Variants in SPAG16 observed in about 807,000 individuals in gnomAD.
SPAG16 encodes the protein sperm associated antigen 16.
SPAG16 carries 86 observed loss-of-function variants against 80.4 expected under a neutral mutation model. That is an observed-to-expected ratio of 1.07 (90% confidence interval 0.90 to 1.28). The LOEUF (loss-of-function observed/expected upper bound fraction) is 1.28, where lower values mean the gene tolerates loss of function less well. SPAG16 is among the 50% of genes most tolerant of loss of function. The pLI, the probability that SPAG16 is intolerant of heterozygous loss-of-function variation, is 0.00. For synonymous variants in SPAG16, 294 were observed against 265.9 expected (o/e 1.11, Z -1.03); for missense variants, 870 against 765.3 (o/e 1.14, Z -1.61).
At chr2:213,347,336 G>A (rs1334836071) in intron 6 of SPAG16, among the ~76,000 whole-genome samples, 4 of 152,048 alleles carry the variant, frequency 2.6e-5, no homozygotes, top group Non-Finnish European at 4.4e-5. Context: ...CAAAAAATCA[G>A]CTCCTGGATT....
chr2:213,555,032 C>T (rs1025256020), intron 10 of SPAG16, among the ~76,000 whole-genome samples: 3 of 151,908 alleles, frequency 2.0e-5, no homozygotes, highest in African/African-American at 7.3e-5. Context: ...AAAAAGACTA[C>T]ACCAAGACAT....
chr2:214,391,306 T>A (rs1304963532), intron 15 of SPAG16, among the ~76,000 whole-genome samples: 1 of 152,138 alleles, frequency 6.6e-6, no homozygotes, highest in East Asian at 1.9e-4. Context: ...AAAATGAAGG[T>A]CAAAGAAGGA....
At chr2:213,364,021 C>G (rs967360598) in intron 7 of SPAG16, 55 bp from the exon 8 acceptor site, 6 of 787,524 alleles carry the variant, frequency 7.6e-6, no homozygotes, top group Non-Finnish European at 1.9e-6. Context: ...TTTTATGTAA[C>G]CTTTTTAAAA....
intron 7 of SPAG16, among the ~76,000 whole-genome samples, chr2:213,355,616 C>T (rs552635724): frequency 1.7e-4 from 26 of 152,176 alleles, no homozygotes; most frequent in Admixed American, 4.6e-4. Context: ...ATTTTATTCT[C>T]TTTGAAGCAA....
chr2:213,890,028 A>G (rs544384550), intron 11 of SPAG16, among the ~76,000 whole-genome samples: 13 of 152,106 alleles, frequency 8.5e-5, no homozygotes, highest in Non-Finnish European at 1.6e-4. Flanking sequence ...TATTGAGATC[A>G]TAAAGTAATT....
At chr2:213,750,236 C>G (rs2068019508) in intron 10 of SPAG16, among the ~76,000 whole-genome samples, 1 of 152,194 alleles carries the variant, frequency 6.6e-6, no homozygotes, top group South Asian at 2.1e-4. Flanking sequence ...TATGCAAGCA[C>G]ATATTTGCCT....
intron 11 of SPAG16, among the ~76,000 whole-genome samples, chr2:213,910,132 A>G (rs1407032500): frequency 1.3e-5 from 2 of 152,226 alleles, no homozygotes; most frequent in African/African-American, 2.4e-5. Flanking sequence ...AAATTAATAC[A>G]TACATATTCT....
chr2:214,408,712 A>C (rs968712531), intron 15 of SPAG16, among the ~76,000 whole-genome samples: 4 of 152,164 alleles, frequency 2.6e-5, no homozygotes, highest in African/African-American at 9.7e-5. Flanking sequence ...ACTTACCTAA[A>C]ATCTGTCAAG....
intron 15 of SPAG16, among the ~76,000 whole-genome samples, chr2:214,288,453 A>T (rs1317285685): frequency 6.6e-6 from 1 of 152,116 alleles, no homozygotes; most frequent in Non-Finnish European, 1.5e-5. Flanking sequence ...CAGTAGTGGG[A>T]TTGCTGAATC....
intron 13 of SPAG16, among the ~76,000 whole-genome samples, chr2:214,026,608 C>T (rs1414838322): frequency 6.6e-6 from 1 of 151,302 alleles, no homozygotes; most frequent in African/African-American, 2.4e-5. Context: ...AATGTTTCTG[C>T]TTTGAGTGTA....
chr2:214,158,072 A>G lies in SPAG16; in HGVS notation c.1720+8806A>G, dbSNP rs559614667. Among the ~76,000 whole-genome samples, 429 of 152,188 alleles carry G rather than the reference A, an allele frequency of 2.8e-3. 1 individual carries two copies. The highest frequency in any genetic ancestry group is 9.7e-3 in the African/African-American group (405 of 41,552). On this transcript the variant is annotated intron_variant, in intron 15 of 15. Transcript: ENST00000331683. ...AAATTGTTGTTCATCTGTGATTTGT[A>G]ATATGAAATTGAGTAGGACACTTAA...
chr2:213,706,959 G>A (rs766063350), intron 10 of SPAG16, among the ~76,000 whole-genome samples: 13 of 152,182 alleles, frequency 8.5e-5, no homozygotes, highest in Non-Finnish European at 1.9e-4. Flanking sequence ...TCACAACAAG[G>A]TGGCTAGCTT....
In SPAG16 at chr2:214,220,910, A is replaced by G. The variant is rs545153416; in HGVS notation, c.1720+71644A>G. On this transcript the variant is annotated intron_variant, in intron 15 of 15. Coordinates refer to ENST00000331683, the MANE Select transcript of SPAG16 (RefSeq NM_024532.5). ...CTACATTCTTTTTCCATATGGTTAA[A>G]AGAGAGTGATTCAAACTCTCTGCCT... Among the ~76,000 whole-genome samples, 8 of 152,294 alleles carry G rather than the reference A, an allele frequency of 5.3e-5. No homozygotes were observed. The East Asian group carries it at 1.5e-3, about 29-fold the overall frequency.
intron 10 of SPAG16, among the ~76,000 whole-genome samples, chr2:213,728,632 T>C (rs2066882584): frequency 1.3e-5 from 2 of 151,886 alleles, no homozygotes; most frequent in Non-Finnish European, 2.9e-5. Flanking sequence ...TCCCAGCACT[T>C]TGGGAGGCCG....
At chr2:213,758,708 G>A (rs2068481976) in intron 10 of SPAG16, among the ~76,000 whole-genome samples, 2 of 152,096 alleles carry the variant, frequency 1.3e-5, no homozygotes, top group Admixed American at 1.3e-4. Context: ...CACAATCAAG[G>A]AGTCACAGGA....
intron 10 of SPAG16, among the ~76,000 whole-genome samples, chr2:213,536,302 A>C (rs2076244378): frequency 6.6e-6 from 1 of 152,154 alleles, no homozygotes; most frequent in African/African-American, 2.4e-5. Context: ...TCAACTTAAA[A>C]TTGCTTAAAA....
chr2:214,073,480 C>G (rs138734182), intron 13 of SPAG16, among the ~76,000 whole-genome samples: 114 of 152,194 alleles, frequency 7.5e-4, no homozygotes, highest in African/African-American at 2.6e-3. Context: ...CATGATTCAC[C>G]TGCCCCGGCC....
intron 10 of SPAG16, among the ~76,000 whole-genome samples, chr2:213,668,272 A>G (rs2063685193): frequency 6.7e-6 from 1 of 150,136 alleles, no homozygotes; most frequent in Non-Finnish European, 1.5e-5. Context: ...TATCTTACCT[A>G]TGTTTAGATA....
At chr2:213,900,937 C>A (rs549564730) in intron 11 of SPAG16, among the ~76,000 whole-genome samples, 1 of 152,212 alleles carries the variant, frequency 6.6e-6, no homozygotes, top group East Asian at 1.9e-4. Context: ...ACAATTAATT[C>A]ATTCTAAGGC....
Sources: allele counts gnomAD v4.1 joint callset (sites outside exome capture counted in the v4.1 genomes callset), GRCh38; gene constraint gnomAD v4.1.1; transcripts MANE v1.5; gene names NCBI Gene and HGNC (gene_info 2026-07-23, HGNC 2026-07-21).